SOCS5: variants seen among roughly 807,000 people sequenced by gnomAD.
SOCS5 encodes the protein suppressor of cytokine signaling 5, also known as CIS-6.
A neutral mutation model predicts 42.8 loss-of-function variants in SOCS5; 32 were observed. That is an observed-to-expected ratio of 0.75 (90% CI 0.56 to 1.01). The LOEUF (loss-of-function observed/expected upper bound fraction) is 1.01. Among genes scored for constraint, SOCS5 ranks in the 50% least tolerant of loss-of-function variants. The probability of loss-of-function intolerance (pLI) is 0.00; values close to 1 mark genes in which losing one functional copy is unlikely to be tolerated. For synonymous variants in SOCS5, 283 were observed against 229.6 expected (o/e 1.23, Z -2.10); for missense variants, 627 against 653.0 (o/e 0.96, Z 0.43).
intron 1 of SOCS5, among the ~76,000 whole-genome samples, chr2:46,756,471 G>A (rs540241366): frequency 5.0e-4 from 76 of 152,296 alleles, no homozygotes; most frequent in Non-Finnish European, 8.1e-4. Flanking sequence ...TCAAAAAACA[G>A]GCCACAGGCC....
chr2:46,759,716 G>A lies in SOCS5; in HGVS notation c.1186G>A (p.Glu396Lys), dbSNP rs751526755. ...MDRYEAEALL[E>K]GKPEGTFLLR... ...CCGTTATGAAGCAGAAGCCCTTCTCGAAGGGAAACCTGAAGGCACGTTTTT... is the reference window on the plus strand; with the variant it reads ...CCGTTATGAAGCAGAAGCCCTTCTCAAAGGGAAACCTGAAGGCACGTTTTT... The change falls in exon 2 of 2, where the codon GAA (glutamate) becomes AAA (lysine). Residue 396 changes from glutamate to lysine, a missense_variant. Glu to Lys is a moderately conservative substitution (Grantham distance 56). This residue lies in a region of SOCS5 where 340 missense variants were observed against 367.6 expected (regional missense o/e 0.92). Coordinates refer to ENST00000394861, the MANE Select transcript of SOCS5 (RefSeq NM_144949.3). 6.2e-7 allele frequency: 1 copy of A among 1,614,108 alleles called. No homozygotes were observed. The highest frequency in any genetic ancestry group is 8.5e-7 in the Non-Finnish European group (1 of 1,180,004).
At chr2:46,740,396 T>C (rs1451735226) in intron 1 of SOCS5, among the ~76,000 whole-genome samples, 1 of 152,220 alleles carries the variant, frequency 6.6e-6, no homozygotes, top group African/African-American at 2.4e-5. Context: ...GCTTTTAATT[T>C]TCTGTCTGGA....
At chr2:46,731,059 C>T (rs1673107694) in intron 1 of SOCS5, among the ~76,000 whole-genome samples, 1 of 152,188 alleles carries the variant, frequency 6.6e-6, no homozygotes, top group South Asian at 2.1e-4. Flanking sequence ...TCTGCATTAG[C>T]AAGATGCGTA....
intron 1 of SOCS5, among the ~76,000 whole-genome samples, chr2:46,741,429 A>G (rs923769034): frequency 2.0e-5 from 3 of 152,190 alleles, no homozygotes; most frequent in Non-Finnish European, 2.9e-5. Flanking sequence ...ACAAATCCCA[A>G]AGTGTTGGGA....
At chr2:46,754,228 A>G (rs552672335) in intron 1 of SOCS5, among the ~76,000 whole-genome samples, 6 of 152,304 alleles carry the variant, frequency 3.9e-5, no homozygotes, top group African/African-American at 1.4e-4. Flanking sequence ...CATGCCCATA[A>G]TGTATCATGT....
intron 1 of SOCS5, among the ~76,000 whole-genome samples, chr2:46,722,901 T>C (rs1002032954): frequency 6.6e-5 from 10 of 152,140 alleles, no homozygotes; most frequent in African/African-American, 2.4e-4. Context: ...TGGATTTCTC[T>C]AATGTCTAAT....
chr2:46,759,489 C>T lies in SOCS5; in HGVS notation c.959C>T (p.Ala320Val). The T allele has an allele frequency of 6.2e-7, 1 of 1,613,980 alleles. No homozygotes were observed. The highest frequency in any genetic ancestry group is 8.5e-7 in the Non-Finnish European group (1 of 1,179,870). Residue 320 changes from alanine (A) to valine (V), a missense_variant, in exon 2 of 2, where the codon GCT becomes GTT. Coordinates refer to ENST00000394861, the MANE Select transcript of SOCS5 (RefSeq NM_144949.3). The stretch of plus-strand genomic sequence containing the variant: ...GGGGACAGTTCTGCAATTCCACAAG[C>T]TAATTGTGACTCGGAAGAGGATACA... ...ISGDSSAIPQ[A>V]NCDSEEDTTT...
intron 1 of SOCS5, among the ~76,000 whole-genome samples, chr2:46,741,108 C>T (rs1444887457): frequency 6.6e-6 from 1 of 152,162 alleles, no homozygotes; most frequent in Admixed American, 6.5e-5. Context: ...ATTTGTGTCT[C>T]TTCCCTTCCT....
chr2:46,750,056 G>A (rs142431373), intron 1 of SOCS5, among the ~76,000 whole-genome samples: 428 of 152,170 alleles, frequency 2.8e-3, no homozygotes, highest in Non-Finnish European at 4.5e-3. Context: ...TATCGTCATT[G>A]TACCAAGGGG....
chr2:46,737,821 A>G (rs1401246829), intron 1 of SOCS5, among the ~76,000 whole-genome samples: 2 of 152,038 alleles, frequency 1.3e-5, no homozygotes, highest in Non-Finnish European at 2.9e-5. Flanking sequence ...AGAATAGAAG[A>G]TAGTACCTTG....
chr2:46,702,103 A>G (rs974392603), intron 1 of SOCS5, among the ~76,000 whole-genome samples: 6 of 152,050 alleles, frequency 3.9e-5, no homozygotes, highest in African/African-American at 1.4e-4. Context: ...GAGGGTGTTA[A>G]AAGTACCTAC....
At chr2:46,706,625 T>G (rs188416790) in intron 1 of SOCS5, among the ~76,000 whole-genome samples, 1 of 152,316 alleles carries the variant, frequency 6.6e-6, no homozygotes, top group African/African-American at 2.4e-5. Flanking sequence ...GGAACATTAA[T>G]TAACAAGGAA....
In SOCS5 at chr2:46,699,621, C is replaced by T. The variant is rs1428013090; in HGVS notation, c.-13+172C>T. Among the ~76,000 whole-genome samples, 1 of 152,094 alleles carries T rather than the reference C, an allele frequency of 6.6e-6. No homozygotes were observed. The highest frequency in any genetic ancestry group is 2.4e-5 in the African/African-American group (1 of 41,432). On this transcript the variant is annotated intron_variant, in intron 1 of 1. Coordinates refer to ENST00000394861, the MANE Select transcript of SOCS5 (RefSeq NM_144949.3). This position sits in a 1 kb window ranked among gnomAD's most constrained non-coding sequence, Gnocchi z 4.8. ...CGGCCTCTGGCTGGGATGGGCTGGC[C>T]GGGAAAAGGACTGCTAGCCCGGGCC...
chr2:46,713,611 A>G (rs184318277), intron 1 of SOCS5, among the ~76,000 whole-genome samples: 92 of 150,028 alleles, frequency 6.1e-4, no homozygotes, highest in African/African-American at 2.1e-3. Context: ...CAAAGAACCA[A>G]CTTTTGACAT....
chr2:46,723,902 T>C (rs1284931905), intron 1 of SOCS5, among the ~76,000 whole-genome samples: 2 of 152,034 alleles, frequency 1.3e-5, no homozygotes, highest in African/African-American at 2.4e-5. Context: ...GCCTTGAATG[T>C]GGTAGCTCTC....
intron 1 of SOCS5, among the ~76,000 whole-genome samples, chr2:46,719,323 T>TA (rs774314995): frequency 2.0e-5 from 3 of 152,232 alleles, no homozygotes; most frequent in Non-Finnish European, 2.9e-5. Context: ...CACTTATTCT[T>TA]ACACTGTACG....
intron 1 of SOCS5, among the ~76,000 whole-genome samples, chr2:46,721,104 T>C (rs528999204): frequency 1.1e-4 from 17 of 152,260 alleles, no homozygotes; most frequent in African/African-American, 2.2e-4. Flanking sequence ...CTAAGAGCAT[T>C]TTCATGGCAG....
intron 1 of SOCS5, among the ~76,000 whole-genome samples, chr2:46,735,921 C>T (rs1214994545): frequency 1.3e-5 from 2 of 152,028 alleles, no homozygotes; most frequent in African/African-American, 4.8e-5. Flanking sequence ...TAATATGATT[C>T]TCTGTGTTAT....
chr2:46,709,460 T>G (rs1288680242), intron 1 of SOCS5, among the ~76,000 whole-genome samples: 3 of 152,168 alleles, frequency 2.0e-5, no homozygotes, highest in Non-Finnish European at 4.4e-5. Context: ...TTAGGTGGTG[T>G]TTAGCACTTA....
Sources: gnomAD v4.1 joint callset for allele counts (sites outside exome capture counted in the v4.1 genomes callset) on GRCh38, gnomAD v4.1.1 for gene constraint, gnomAD v4.1.1 regional missense constraint, Gnocchi (gnomAD v3.1) non-coding constraint, MANE v1.5 for transcripts, NCBI Gene and HGNC (gene_info 2026-07-23, HGNC 2026-07-21) for gene names.